The following SEMA5A variants were observed in gnomAD, a reference collection of about 807,000 sequenced individuals.
SEMA5A encodes the protein semaphorin-5A.
Under a neutral mutation model 135.5 loss-of-function variants are expected in SEMA5A, and 55 were observed. That is an observed-to-expected ratio of 0.41 (90% CI 0.33 to 0.51). The LOEUF is 0.51. SEMA5A is among the 20% of genes least tolerant of loss of function. The pLI is 0.37. For synonymous variants in SEMA5A, 580 were observed against 546.5 expected, an observed-to-expected ratio of 1.06 and a Z score of -0.85; for missense variants, 1,290 against 1,419.9, an observed-to-expected ratio of 0.91 and a Z score of 1.47.
chr5:9,506,929 G>A (rs1308111679), intron 1 of SEMA5A, among the ~76,000 whole-genome samples: 1 of 152,110 alleles, frequency 6.6e-6, no homozygotes, highest in Non-Finnish European at 1.5e-5. Flanking sequence ...TTTTAAAATT[G>A]AATACTTACT....
At chr5:9,528,567 G>T (rs1737263571) in intron 1 of SEMA5A, among the ~76,000 whole-genome samples, 1 of 152,110 alleles carries the variant, frequency 6.6e-6, no homozygotes, top group African/African-American at 2.4e-5. Flanking sequence ...GCCTGTCCTT[G>T]GCACAGCCTT....
chr5:9,110,261 G>GT (rs2150159484), intron 15 of SEMA5A, among the ~76,000 whole-genome samples: 1 of 152,332 alleles, frequency 6.6e-6, no homozygotes, highest in South Asian at 2.1e-4. Flanking sequence ...CTCCATGAGA[G>GT]TTAGATGGCA....
intron 15 of SEMA5A, among the ~76,000 whole-genome samples, chr5:9,117,062 A>G (rs1462372577): frequency 2.0e-5 from 3 of 152,220 alleles, no homozygotes; most frequent in Non-Finnish European, 4.4e-5. Flanking sequence ...GTTTTCCTCC[A>G]TTGAGCAAAT....
chr5:9,493,904 A>T (rs916395287), intron 1 of SEMA5A, among the ~76,000 whole-genome samples: 1 of 152,206 alleles, frequency 6.6e-6, no homozygotes, highest in Admixed American at 6.5e-5. Flanking sequence ...TTTGTTTCTT[A>T]ATATGCTCAG....
chr5:9,121,229 C>T (rs1035021277), intron 14 of SEMA5A, among the ~76,000 whole-genome samples: 1 of 152,042 alleles, frequency 6.6e-6, no homozygotes, highest in Non-Finnish European at 1.5e-5. Context: ...TGTCTATTAC[C>T]CAGACCTGAG....
chr5:9,243,190 A>C lies in SEMA5A; in HGVS notation c.271-5300T>G, dbSNP rs574786805. 2.6e-5 allele frequency among the ~76,000 whole-genome samples: 4 copies of C among 152,302 alleles called. No homozygotes were observed. In the East Asian group the frequency reaches 7.7e-4, roughly 29 times the overall value. Reference sequence around the variant, plus strand: ...TTCTGGAGGCTCGTTGGCAGGGTTGAATCCGACTGAAAACTTTGAGGGACA... The same window carrying C: ...TTCTGGAGGCTCGTTGGCAGGGTTGCATCCGACTGAAAACTTTGAGGGACA... On this transcript the variant is annotated intron_variant, in intron 5 of 22. Transcript: ENST00000382496.
At chr5:9,068,946 A>G (rs1448842133) in intron 16 of SEMA5A, among the ~76,000 whole-genome samples, 1 of 152,202 alleles carries the variant, frequency 6.6e-6, no homozygotes, top group Non-Finnish European at 1.5e-5. Flanking sequence ...AGGCAGCACA[A>G]CCAAGAGTCC....
At chr5:9,062,776 A>G (rs2150066180) in intron 18 of SEMA5A, 111 bp downstream of exon 18, 1 of 1,109,230 alleles carries the variant, frequency 9.0e-7, no homozygotes, top group Admixed American at 2.0e-5. Context: ...ATTTATTAAG[A>G]ACACAGATCT....
At chr5:9,452,454 A>G (rs1758680245) in intron 1 of SEMA5A, among the ~76,000 whole-genome samples, 2 of 152,224 alleles carry the variant, frequency 1.3e-5, no homozygotes, top group Admixed American at 1.3e-4. Context: ...ACACCTGATA[A>G]TACACACTCT....
intron 11 of SEMA5A, among the ~76,000 whole-genome samples, chr5:9,178,961 C>T (rs905016214): frequency 2.0e-5 from 3 of 152,166 alleles, no homozygotes; most frequent in Non-Finnish European, 4.4e-5. Flanking sequence ...TTAGACATGT[C>T]TCATGAAGCT....
At chr5:9,504,285 A>T (rs1735756300) in intron 1 of SEMA5A, among the ~76,000 whole-genome samples, 1 of 152,068 alleles carries the variant, frequency 6.6e-6, no homozygotes, top group South Asian at 2.1e-4. Flanking sequence ...CATATTATAC[A>T]TTGCAATCTT....
At chr5:9,498,190 T>C (rs1214888944) in intron 1 of SEMA5A, among the ~76,000 whole-genome samples, 1 of 152,196 alleles carries the variant, frequency 6.6e-6, no homozygotes, top group Admixed American at 6.5e-5. Flanking sequence ...AACTAACTGA[T>C]GCAGAGCCAC....
At chr5:9,483,937 G>A (rs1352037133) in intron 1 of SEMA5A, among the ~76,000 whole-genome samples, 1 of 152,108 alleles carries the variant, frequency 6.6e-6, no homozygotes, top group Non-Finnish European at 1.5e-5. Flanking sequence ...CAGGCTGTGT[G>A]GCCAACATAT....
At chr5:9,221,381 C>T (rs1435213014) in intron 8 of SEMA5A, among the ~76,000 whole-genome samples, 1 of 146,666 alleles carries the variant, frequency 6.8e-6, no homozygotes. Flanking sequence ...CGGCTTACTG[C>T]AAGCTCCGCC....
intron 4 of SEMA5A, 33 bp downstream of exon 4, chr5:9,337,680 A>G (rs369343804): frequency 2.7e-6 from 4 of 1,489,264 alleles, no homozygotes; most frequent in African/African-American, 2.8e-5. Context: ...AAGTCCAAAA[A>G]TATCTGTGGT....
intron 2 of SEMA5A, among the ~76,000 whole-genome samples, chr5:9,387,334 G>A (rs1039841470): frequency 3.3e-5 from 5 of 152,122 alleles, no homozygotes; most frequent in East Asian, 1.9e-4. Context: ...GGATTTCTTC[G>A]GTGGACAAGG....
At chr5:9,340,024 G>C (rs72727254) in intron 3 of SEMA5A, among the ~76,000 whole-genome samples, 3,707 of 152,164 alleles carry the variant, frequency 0.024, 68 homozygotes, top group Non-Finnish European at 0.038. Flanking sequence ...AGAAAACAGT[G>C]ATGACTGAGA....
rs1360203684 is a variant in SEMA5A, at chr5:9,052,154, T to C, written c.2690-126A>G. The C allele has an allele frequency of 3.9e-6, 4 of 1,030,482 alleles. No homozygotes were observed. The African/African-American group carries it at 6.5e-5, about 17-fold the overall frequency. 63.8% of individuals were successfully genotyped at this position (1,030,482 alleles called of 1,614,324 possible). On this transcript the variant is annotated intron_variant, in intron 19 of 22. Coordinates refer to ENST00000382496, the MANE Select transcript of SEMA5A (RefSeq NM_003966.3). The stretch of plus-strand genomic sequence containing the variant: ...TTCCATAGCATATTTTTAATGGTTC[T>C]GTGCATCAGTAAGATGTAGTTGTAT...
intron 6 of SEMA5A, among the ~76,000 whole-genome samples, chr5:9,230,898 A>G (rs1747594853): frequency 6.6e-6 from 1 of 152,156 alleles, no homozygotes; most frequent in South Asian, 2.1e-4. Flanking sequence ...AACTGTCAAG[A>G]GCATAACTCA....
Sources: allele counts gnomAD v4.1 joint callset (sites outside exome capture counted in the v4.1 genomes callset), GRCh38; gene constraint gnomAD v4.1.1; transcripts MANE v1.5; gene names NCBI Gene and HGNC (gene_info 2026-07-23, HGNC 2026-07-21).